Variants in TASP1 observed in about 807,000 individuals in gnomAD.
TASP1 encodes threonine aspartase 1.
A neutral mutation model predicts 56.6 loss-of-function variants in TASP1; 16 were observed. The observed-to-expected ratio is 0.28, with a 90% confidence interval of 0.19 to 0.43. The LOEUF is 0.43. TASP1 is among the 20% of genes least tolerant of loss of function. TASP1 has a pLI of 1.00. For synonymous variants in TASP1, 179 were observed against 184.2 expected (o/e 0.97, Z 0.23); for missense variants, 393 against 511.6 (o/e 0.77, Z 2.24).
At chr20:13,522,309 G>C (rs1458597663) in intron 10 of TASP1, among the ~76,000 whole-genome samples, 1 of 152,120 alleles carries the variant, frequency 6.6e-6, no homozygotes, top group Non-Finnish European at 1.5e-5. Flanking sequence ...CAAATAAAGG[G>C]GGAATGGGGC....
Position 13,417,467 on chromosome 20 carries a change from G to C in TASP1, c.1151C>G (p.Ala384Gly). ...ACTTACCTTGGCTTTCCCATCCTGGGCTGACATATATCCGACACACATGCT... is the reference window on the plus strand; with the variant it reads ...ACTTACCTTGGCTTTCCCATCCTGGCCTGACATATATCCGACACACATGCT... ...TESMCVGYMS[A>G]QDGKAKTHIS... The change falls in exon 13 of 14, where the codon GCC (alanine) becomes GGC (glycine). Residue 384 changes from alanine to glycine, a missense_variant. Transcript: ENST00000337743. The C allele has an allele frequency of 6.2e-7, 1 of 1,614,126 alleles. No homozygotes were observed. Among genetic ancestry groups the C allele is most frequent in the Non-Finnish European group, 8.5e-7 (1 of 1,180,006 alleles).
chr20:13,488,139 A>G (rs1273216051), intron 10 of TASP1, among the ~76,000 whole-genome samples: 1 of 152,164 alleles, frequency 6.6e-6, no homozygotes, highest in East Asian at 1.9e-4. Flanking sequence ...AGAAGAAAGC[A>G]CTAATATTTG....
At chr20:13,512,132 G>T (rs6042184) in intron 10 of TASP1, among the ~76,000 whole-genome samples, 32,828 of 151,832 alleles carry the variant, frequency 0.22, 3,659 homozygotes, top group Middle Eastern at 0.28. Flanking sequence ...GTAATGGGAT[G>T]GCTGGGTCAA....
intron 4 of TASP1, among the ~76,000 whole-genome samples, chr20:13,592,964 A>G (rs2047589214): frequency 6.6e-6 from 1 of 152,208 alleles, no homozygotes; most frequent in Non-Finnish European, 1.5e-5. Context: ...ATTATAGCCA[A>G]GTGAAATACA....
chr20:13,144,156 T>C, the TASP1 span, among the ~76,000 whole-genome samples: 1 of 152,290 alleles, frequency 6.6e-6, no homozygotes, highest in South Asian at 2.1e-4. Context: ...CTCATCCCTT[T>C]CCTCCCCATC....
chr20:13,377,685 T>G, the TASP1 span, among the ~76,000 whole-genome samples: 2 of 152,230 alleles, frequency 1.3e-5, no homozygotes, highest in Non-Finnish European at 2.9e-5. Context: ...AGAATTCAGC[T>G]GTGAATCCAT....
chr20:13,299,468 G>C, the TASP1 span: 1 of 1,584,820 alleles, frequency 6.3e-7, no homozygotes, highest in East Asian at 2.3e-5. This position sits in a 1 kb window ranked among gnomAD's most constrained non-coding sequence, Gnocchi z 5.8. Context: ...AAAGAGACTG[G>C]GATGAGGTGG....
At chr20:13,530,824 C>G (rs535212312) in intron 9 of TASP1, among the ~76,000 whole-genome samples, 73 of 152,316 alleles carry the variant, frequency 4.8e-4, no homozygotes, top group Non-Finnish European at 9.4e-4. Context: ...GGTTGTCCAT[C>G]TCTTATCCAC....
At chr20:13,407,611 T>A (rs1417148726) in intron 13 of TASP1, among the ~76,000 whole-genome samples, 1 of 152,208 alleles carries the variant, frequency 6.6e-6, no homozygotes, top group Non-Finnish European at 1.5e-5. Flanking sequence ...AATTGCTGGG[T>A]CACATGGTAA....
At chr20:13,443,924 T>G (rs1382415896) in intron 11 of TASP1, among the ~76,000 whole-genome samples, 1 of 152,136 alleles carries the variant, frequency 6.6e-6, no homozygotes, top group African/African-American at 2.4e-5. Context: ...GAGTTAGGAT[T>G]AGACAAACAA....
At chr20:13,347,559 C>T in the TASP1 span, among the ~76,000 whole-genome samples, 2 of 152,214 alleles carry the variant, frequency 1.3e-5, no homozygotes, top group Non-Finnish European at 2.9e-5. Flanking sequence ...AGTTTATTGG[C>T]CAGGCACGGT....
chr20:13,570,161 T>C (rs1326407794), intron 6 of TASP1, among the ~76,000 whole-genome samples: 1 of 152,102 alleles, frequency 6.6e-6, no homozygotes, highest in Non-Finnish European at 1.5e-5. Flanking sequence ...AAGTCCTAAA[T>C]AGCAAGTTTT....
chr20:13,411,469 T>TAA (rs1354542002), intron 13 of TASP1, among the ~76,000 whole-genome samples: 9 of 152,220 alleles, frequency 5.9e-5, no homozygotes, highest in Non-Finnish European at 1.3e-4. Context: ...TTATCAGTGT[T>TAA]TTGTAGCCTT....
intron 11 of TASP1, among the ~76,000 whole-genome samples, chr20:13,464,211 G>GT (rs1224627571): frequency 2.9e-4 from 44 of 152,070 alleles, no homozygotes; most frequent in Admixed American, 2.8e-3. Context: ...GCTTAATTAA[G>GT]GTTAAATGAG....
rs1043265448 is a variant in TASP1, at chr20:13,448,539, A to C, written c.986-13385T>G. The stretch of plus-strand genomic sequence containing the variant: ...ATAATATTTTCCCAGGAAAGCCTAA[A>C]GACAGAGTCAATTATAGCCTTGTCA... On this transcript the variant is annotated intron_variant, in intron 11 of 13. Transcript: ENST00000337743. Among the ~76,000 whole-genome samples, 10 of 152,254 alleles carry C rather than the reference A, an allele frequency of 6.6e-5. No individual in the cohort carries two copies. The East Asian group carries it at 1.9e-3, about 29-fold the overall frequency.
intron 4 of TASP1, among the ~76,000 whole-genome samples, chr20:13,589,260 G>T (rs186773448): frequency 4.0e-5 from 6 of 151,816 alleles, no homozygotes; most frequent in Non-Finnish European, 8.8e-5. Flanking sequence ...GGTTTTCACC[G>T]TGTTAGCCAG....
intron 4 of TASP1, among the ~76,000 whole-genome samples, chr20:13,609,925 C>T (rs975052448): frequency 6.6e-6 from 1 of 152,138 alleles, no homozygotes; most frequent in Non-Finnish European, 1.5e-5. Context: ...ATGTTGAATA[C>T]TGCTCCTCCA....
chr20:13,172,972 C>T, the TASP1 span, among the ~76,000 whole-genome samples: 4 of 152,188 alleles, frequency 2.6e-5, no homozygotes, highest in African/African-American at 9.6e-5. Context: ...CAATCTCCTC[C>T]ACATGGTGTT....
chr20:13,571,100 G>A (rs949349449), intron 6 of TASP1, among the ~76,000 whole-genome samples: 1 of 151,986 alleles, frequency 6.6e-6, no homozygotes, highest in African/African-American at 2.4e-5. Context: ...TTAATCATTC[G>A]AAGGTTTGAT....
Sources: gnomAD v4.1 joint callset for allele counts (sites outside exome capture counted in the v4.1 genomes callset) on GRCh38, gnomAD v4.1.1 for gene constraint, Gnocchi (gnomAD v3.1) non-coding constraint, MANE v1.5 for transcripts, NCBI Gene and HGNC (gene_info 2026-07-23, HGNC 2026-07-21) for gene names.